Variants in FRMD3 observed in about 807,000 individuals in gnomAD.
The protein encoded by FRMD3 is FERM domain containing 3.
Under a neutral mutation model 70.2 loss-of-function variants are expected in FRMD3, and 33 were observed. The ratio of observed to expected loss-of-function variants is 0.47; its 90% CI spans 0.36 to 0.63. FRMD3 has a LOEUF of 0.63. Among genes scored for constraint, FRMD3 ranks in the 20% least tolerant of loss-of-function variants. The probability of loss-of-function intolerance (pLI) is 0.00; values close to 1 mark genes in which losing one functional copy is unlikely to be tolerated. For missense variants in FRMD3, 632 were observed against 711.4 expected, an observed-to-expected ratio of 0.89 and a Z score of 1.27; for synonymous variants, 279 against 255.9, an observed-to-expected ratio of 1.09 and a Z score of -0.86.
chr9:83,494,116 A>C (rs748314478), intron 1 of FRMD3, among the ~76,000 whole-genome samples: 3 of 152,210 alleles, frequency 2.0e-5, no homozygotes, highest in Non-Finnish European at 4.4e-5. Flanking sequence ...GCCAACAATG[A>C]AATGGGTGTG....
At chr9:83,530,124 T>C (rs1232366224) in intron 1 of FRMD3, among the ~76,000 whole-genome samples, 1 of 152,190 alleles carries the variant, frequency 6.6e-6, no homozygotes, top group African/African-American at 2.4e-5. Context: ...TGACTAGTAA[T>C]TTCACTTCTA....
intron 1 of FRMD3, among the ~76,000 whole-genome samples, chr9:83,390,136 G>T (rs1380139478): frequency 6.6e-6 from 1 of 152,168 alleles, no homozygotes; most frequent in East Asian, 1.9e-4. Context: ...TTCTCACAAT[G>T]ATCCTACCAG....
intron 3 of FRMD3, 98 bp downstream of exon 3, chr9:83,372,815 C>T: frequency 9.0e-7 from 1 of 1,110,728 alleles, no homozygotes; most frequent in South Asian, 1.3e-5. Flanking sequence ...AACACCTCTT[C>T]AACTCTATTA....
chr9:83,323,856 T>C (rs1835907000), intron 6 of FRMD3, among the ~76,000 whole-genome samples: 1 of 152,208 alleles, frequency 6.6e-6, no homozygotes, highest in South Asian at 2.1e-4. Flanking sequence ...CACCTATTGT[T>C]GGTGTGAACA....
rs1829916945 is a variant in FRMD3, at chr9:83,537,281, C to A, written c.147+804G>T. 6.6e-6 allele frequency among the ~76,000 whole-genome samples: 1 copy of A among 152,226 alleles called. No individual in the cohort carries two copies. The highest frequency in any genetic ancestry group is 2.4e-5 in the African/African-American group (1 of 41,460). On this transcript the variant is annotated intron_variant, in intron 1 of 13. Coordinates refer to ENST00000304195, the MANE Select transcript of FRMD3 (RefSeq NM_174938.6). The surrounding 1 kb of genome is among the most constrained non-coding windows in gnomAD (Gnocchi z 4.1). ...GCCAGCAAAGCTGCCTTCTCCCAAA[C>A]AACTCGCCTTCTCCTCCAACTTGGG...
At chr9:83,290,456 A>G (rs1481108364) in intron 13 of FRMD3, 147 bp downstream of exon 13, 1 of 856,622 alleles carries the variant, frequency 1.2e-6, no homozygotes, top group Non-Finnish European at 1.9e-6. Context: ...TCCAGCTGCA[A>G]AAAGCTTATT....
intron 1 of FRMD3, among the ~76,000 whole-genome samples, chr9:83,494,411 T>C (rs1188930297): frequency 1.3e-5 from 2 of 152,168 alleles, no homozygotes; most frequent in South Asian, 4.1e-4. Context: ...TTCATGCCAA[T>C]TTGGTTGTTT....
intron 1 of FRMD3, among the ~76,000 whole-genome samples, chr9:83,428,372 G>A (rs111745711): frequency 1.3e-5 from 2 of 150,000 alleles, no homozygotes; most frequent in South Asian, 2.1e-4. Context: ...AGCGAGACTC[G>A]GCCTCAAAAA....
At chr9:83,320,458 G>A (rs1440373970) in intron 6 of FRMD3, among the ~76,000 whole-genome samples, 1 of 151,996 alleles carries the variant, frequency 6.6e-6, no homozygotes, top group Non-Finnish European at 1.5e-5. Context: ...CACATTTATG[G>A]ATTTATGTAT....
chr9:83,416,573 A>G (rs894115072), intron 1 of FRMD3, among the ~76,000 whole-genome samples: 4 of 152,240 alleles, frequency 2.6e-5, no homozygotes, highest in African/African-American at 9.6e-5. Context: ...GGCACCTAAT[A>G]GGCTAAATGT....
At chr9:83,330,956 T>C (rs1256069030) in intron 6 of FRMD3, among the ~76,000 whole-genome samples, 2 of 152,196 alleles carry the variant, frequency 1.3e-5, no homozygotes, top group African/African-American at 4.8e-5. Context: ...CAACACCAAA[T>C]GTTGGCAAGG....
At chr9:83,287,786 G>C (rs980875935) in intron 13 of FRMD3, among the ~76,000 whole-genome samples, 2 of 152,220 alleles carry the variant, frequency 1.3e-5, no homozygotes, top group Non-Finnish European at 2.9e-5. Flanking sequence ...CTGATATCCA[G>C]TAGGGCACAC....
At chr9:83,543,703 A>G in the FRMD3 span, among the ~76,000 whole-genome samples, 1 of 152,204 alleles carries the variant, frequency 6.6e-6, no homozygotes, top group Non-Finnish European at 1.5e-5. Context: ...AGAGTGCAGC[A>G]TGCCAAGGGA....
intron 3 of FRMD3, among the ~76,000 whole-genome samples, chr9:83,354,117 G>C (rs1306373921): frequency 2.0e-5 from 3 of 152,050 alleles, no homozygotes; most frequent in Non-Finnish European, 4.4e-5. Flanking sequence ...GTAGAGACAG[G>C]GTTTCACCAC....
At chr9:83,442,971 A>G (rs1827347213) in intron 1 of FRMD3, among the ~76,000 whole-genome samples, 1 of 152,216 alleles carries the variant, frequency 6.6e-6, no homozygotes, top group Non-Finnish European at 1.5e-5. Context: ...CTTTTCATTA[A>G]TCTATGGAGA....
chr9:83,570,684 T>C, the FRMD3 span, among the ~76,000 whole-genome samples: 2 of 152,284 alleles, frequency 1.3e-5, no homozygotes, highest in South Asian at 2.1e-4. Flanking sequence ...TCTGAGAGTA[T>C]TGAGAACTCA....
upstream of FRMD3, among the ~76,000 whole-genome samples, chr9:83,541,069 C>G (rs574809979): frequency 2.4e-4 from 37 of 152,302 alleles, 1 homozygote; most frequent in Middle Eastern, 0.02. Flanking sequence ...GCTGTTCCTG[C>G]TTTGTTTGAA....
chr9:83,474,942 T>C (rs1252522094), intron 1 of FRMD3, among the ~76,000 whole-genome samples: 2 of 152,114 alleles, frequency 1.3e-5, no homozygotes, highest in Non-Finnish European at 1.5e-5. Flanking sequence ...GTATCTAATC[T>C]GGGCTTTCAT....
At chr9:83,575,058 GA>G in the FRMD3 span, among the ~76,000 whole-genome samples, 2 of 152,110 alleles carry the variant, frequency 1.3e-5, no homozygotes, top group Non-Finnish European at 2.9e-5. Flanking sequence ...ACATCACCCT[GA>G]AAACACAGAA....
Sources: gnomAD v4.1 joint callset for allele counts (sites outside exome capture counted in the v4.1 genomes callset) on GRCh38, gnomAD v4.1.1 for gene constraint, Gnocchi (gnomAD v3.1) non-coding constraint, MANE v1.5 for transcripts, NCBI Gene and HGNC (gene_info 2026-07-23, HGNC 2026-07-21) for gene names.